The following PCCA variants were observed in gnomAD, a reference collection of about 807,000 sequenced individuals.
The protein encoded by PCCA is propionyl-CoA carboxylase alpha chain, mitochondrial.
A neutral mutation model predicts 101.3 loss-of-function variants in PCCA; 74 were observed. The ratio of observed to expected loss-of-function variants is 0.73; its 90% CI spans 0.61 to 0.89. PCCA has a LOEUF of 0.89. Among genes scored for constraint, PCCA ranks in the 40% least tolerant of loss-of-function variants. The pLI, the probability that PCCA is intolerant of heterozygous loss-of-function variation, is 0.00. For synonymous variants in PCCA, 294 were observed against 313.6 expected (o/e 0.94, Z 0.66); for missense variants, 891 against 907.0 (o/e 0.98, Z 0.23).
chr13:100,246,010 G>A (rs1228241481), intron 8 of PCCA, among the ~76,000 whole-genome samples: 1 of 152,186 alleles, frequency 6.6e-6, no homozygotes, highest in African/African-American at 2.4e-5. Flanking sequence ...GTGAATATTT[G>A]TTGGTCTTTT....
chr13:100,325,298 A>G (rs1439502555), intron 16 of PCCA, among the ~76,000 whole-genome samples: 1 of 152,210 alleles, frequency 6.6e-6, no homozygotes, highest in Non-Finnish European at 1.5e-5. Flanking sequence ...AAGTTGTTAT[A>G]TGACAACTTA....
chr13:100,169,103 G>A (rs906104449), intron 6 of PCCA, among the ~76,000 whole-genome samples: 2 of 151,856 alleles, frequency 1.3e-5, no homozygotes, highest in African/African-American at 4.8e-5. Flanking sequence ...GGATTACATG[G>A]CAAAAAAGGC....
chr13:100,163,595 A>T (rs1396107663), intron 6 of PCCA, among the ~76,000 whole-genome samples: 2 of 152,186 alleles, frequency 1.3e-5, no homozygotes, highest in Non-Finnish European at 2.9e-5. Context: ...ATTTTCTTAA[A>T]TAGCAGCTTT....
intron 7 of PCCA, among the ~76,000 whole-genome samples, chr13:100,229,293 A>G (rs992321491): frequency 6.6e-6 from 1 of 152,220 alleles, no homozygotes; most frequent in Non-Finnish European, 1.5e-5. Context: ...AACTGAAGCA[A>G]AACTGAAGTG....
chr13:100,420,643 T>G lies in PCCA; in HGVS notation c.1747-4990T>G, dbSNP rs1432330766. ...TAAAAGGGCTTTGTAACCACAGAAT[T>G]ATAGATGTAGCAGAGATATTTGACC... On this transcript the variant is annotated intron_variant, in intron 19 of 23. Transcript: ENST00000376285. Among the ~76,000 whole-genome samples the G allele has an allele frequency of 2.6e-5, 4 of 152,158 alleles. No individual in the cohort carries two copies. In the East Asian group the frequency reaches 7.7e-4, roughly 29 times the overall value.
chr13:100,124,455 G>A (rs1001755208), intron 4 of PCCA, among the ~76,000 whole-genome samples: 4 of 152,136 alleles, frequency 2.6e-5, no homozygotes, highest in African/African-American at 9.7e-5. Flanking sequence ...GATGATCCCT[G>A]GTGCGCACTG....
intron 18 of PCCA, among the ~76,000 whole-genome samples, chr13:100,360,471 C>G (rs2074454180): frequency 6.6e-6 from 1 of 152,116 alleles, no homozygotes; most frequent in African/African-American, 2.4e-5. Context: ...TGTAAAACAT[C>G]TAAAACATGT....
chr13:100,494,692 A>AAAAAT (rs1555320103), intron 21 of PCCA, among the ~76,000 whole-genome samples: 1 of 151,078 alleles, frequency 6.6e-6, no homozygotes, highest in African/African-American at 2.4e-5. Context: ...AAAAAAAAAA[A>AAAAAT]TTTTGTAATT....
chr13:100,203,286 A>G (rs1029667576), intron 6 of PCCA, among the ~76,000 whole-genome samples: 3 of 151,720 alleles, frequency 2.0e-5, no homozygotes, highest in Non-Finnish European at 2.9e-5. Context: ...AAAAAAAAAA[A>G]AAAAGAAATG....
At position 100,107,992 on chromosome 13, in the gene PCCA, T is replaced by C. The variant is rs570298266; in HGVS notation, c.184-3849T>C. ...GAGCTGGTGGACTTACCCATTGTGC[T>C]GTATCCTTTCTCAGAAGAGTTGGGC... On this transcript the variant is annotated intron_variant, in intron 2 of 23. Coordinates refer to ENST00000376285, the MANE Select transcript of PCCA (RefSeq NM_000282.4). Among the ~76,000 whole-genome samples the C allele has an allele frequency of 3.9e-5, 6 of 152,308 alleles. No homozygotes were observed. In the South Asian group the frequency reaches 1.2e-3, roughly 32 times the overall value.
At position 100,348,779 on chromosome 13, in the gene PCCA, T is replaced by TTCCTTC. The variant is rs2072755235; in HGVS notation, c.1643+8520_1643+8521insTCCTTC. Among the ~76,000 whole-genome samples, 304 of 76,068 alleles carry TTCCTTC rather than the reference T, an allele frequency of 4.0e-3. 1 individual carries two copies. The highest frequency in any genetic ancestry group is 6.4e-3 in the South Asian group (15 of 2,336). 49.9% of individuals were successfully genotyped at this position (76,068 alleles called of 152,430 possible). On this transcript the variant is annotated intron_variant, in intron 18 of 23. Coordinates refer to ENST00000376285, the MANE Select transcript of PCCA (RefSeq NM_000282.4). ...TTCTTTCTTTCTTTCTTTCTTTCTT[T>TTCCTTC]CTTTCTTTCTTCCTTCCTTCCTTCC...
At chr13:100,493,045 C>T (rs2085016431) in intron 21 of PCCA, among the ~76,000 whole-genome samples, 1 of 152,186 alleles carries the variant, frequency 6.6e-6, no homozygotes, top group African/African-American at 2.4e-5. Context: ...CCCTTATTCT[C>T]CGCTGAGCTG....
chr13:100,156,735 G>A (rs2053930122), intron 5 of PCCA, among the ~76,000 whole-genome samples: 1 of 152,282 alleles, frequency 6.6e-6, no homozygotes, highest in Middle Eastern at 3.4e-3. Flanking sequence ...ACGGCTTGTT[G>A]GTAGTTGCCG....
At position 100,408,020 on chromosome 13, in the gene PCCA, C is replaced by T. The variant is rs577615299; in HGVS notation, c.1747-17613C>T. 3.1e-3 allele frequency among the ~76,000 whole-genome samples: 466 copies of T among 152,114 alleles called. 1 individual carries two copies. Among genetic ancestry groups the T allele is most frequent in the African/African-American group, 0.011 (444 of 41,508 alleles). On this transcript the variant is annotated intron_variant, in intron 19 of 23. Coordinates refer to ENST00000376285, the MANE Select transcript of PCCA (RefSeq NM_000282.4). The stretch of plus-strand genomic sequence containing the variant: ...ACAAAAAATTATCTGGGCATGGTGG[C>T]GGGCGCCTGTTATCCCAGCTACTGT...
intron 10 of PCCA, among the ~76,000 whole-genome samples, chr13:100,268,000 T>G (rs1685740885): frequency 6.6e-6 from 1 of 152,192 alleles, no homozygotes. Flanking sequence ...TTTTGGGTTT[T>G]GGAATATTTG....
At chr13:100,521,626 TTAATA>T (rs2087302345) in intron 22 of PCCA, among the ~76,000 whole-genome samples, 1 of 150,690 alleles carries the variant, frequency 6.6e-6, no homozygotes, top group South Asian at 2.1e-4. Flanking sequence ...GAAGTTGCTA[TTAATA>T]TAATCAGATG....
intron 6 of PCCA, among the ~76,000 whole-genome samples, chr13:100,184,810 A>G (rs1594600491): frequency 6.6e-6 from 1 of 152,242 alleles, no homozygotes; most frequent in African/African-American, 2.4e-5. Flanking sequence ...AACATAAAAA[A>G]CCTTTCTTAG....
intron 1 of PCCA, among the ~76,000 whole-genome samples, chr13:100,095,918 G>T (rs1005427626): frequency 5.9e-5 from 9 of 152,000 alleles, no homozygotes; most frequent in Admixed American, 1.3e-4. Flanking sequence ...GTGGGAGTAG[G>T]ATTGGGGACT....
intron 18 of PCCA, among the ~76,000 whole-genome samples, chr13:100,357,672 A>G (rs2074090215): frequency 6.6e-6 from 1 of 152,232 alleles, no homozygotes; most frequent in Non-Finnish European, 1.5e-5. Context: ...GTACAACCAA[A>G]TACGACCCCT....
Sources: allele counts gnomAD v4.1 joint callset (sites outside exome capture counted in the v4.1 genomes callset), GRCh38; gene constraint gnomAD v4.1.1; transcripts MANE v1.5; gene names NCBI Gene and HGNC (gene_info 2026-07-23, HGNC 2026-07-21).